Variants in SPAG16 observed in about 807,000 individuals in gnomAD.
The protein encoded by SPAG16 is sperm associated antigen 16, also known as sperm-associated antigen 16 protein.
Under a neutral mutation model 80.4 loss-of-function variants are expected in SPAG16, and 86 were observed. The ratio of observed to expected loss-of-function variants is 1.07; its 90% CI spans 0.90 to 1.28. SPAG16 has a LOEUF of 1.28. Among genes scored for constraint, SPAG16 ranks in the 50% most tolerant of loss-of-function variants. SPAG16 has a pLI of 0.00. For synonymous variants in SPAG16, 294 were observed against 265.9 expected (o/e 1.11, Z -1.03); for missense variants, 870 against 765.3 (o/e 1.14, Z -1.61).
intron 10 of SPAG16, among the ~76,000 whole-genome samples, chr2:213,589,129 G>T (rs150746406): frequency 6.6e-6 from 1 of 152,108 alleles, no homozygotes; most frequent in Admixed American, 6.6e-5. Context: ...TGTGAACAAA[G>T]AAGAAATAAT....
At chr2:213,294,460 TGTA>T (rs1323539762) in intron 1 of SPAG16, among the ~76,000 whole-genome samples, 3 of 152,234 alleles carry the variant, frequency 2.0e-5, no homozygotes, top group Non-Finnish European at 4.4e-5. Flanking sequence ...TTTTACTCCT[TGTA>T]GTATTTAATA....
intron 9 of SPAG16, among the ~76,000 whole-genome samples, chr2:213,444,194 T>TG (rs2071159520): frequency 6.6e-6 from 1 of 152,272 alleles, no homozygotes; most frequent in East Asian, 1.9e-4. Context: ...CTGTAAACCT[T>TG]GGGGCTCTGT....
intron 10 of SPAG16, among the ~76,000 whole-genome samples, chr2:213,747,016 T>A (rs2067856246): frequency 6.6e-6 from 1 of 152,102 alleles, no homozygotes; most frequent in South Asian, 2.1e-4. Context: ...GGTATTGTCA[T>A]AAAAGGAGAT....
intron 10 of SPAG16, among the ~76,000 whole-genome samples, chr2:213,574,036 C>T (rs1395302547): frequency 6.6e-6 from 1 of 151,956 alleles, no homozygotes; most frequent in Non-Finnish European, 1.5e-5. Context: ...CTGCTAGTAC[C>T]CAGACTATAA....
chr2:213,837,022 T>A (rs997748954), intron 10 of SPAG16, among the ~76,000 whole-genome samples: 1 of 152,160 alleles, frequency 6.6e-6, no homozygotes, highest in Non-Finnish European at 1.5e-5. Flanking sequence ...TTCAGGGACA[T>A]CCCTGCTATC....
At chr2:213,465,720 C>A (rs1275780624) in intron 9 of SPAG16, among the ~76,000 whole-genome samples, 1 of 152,178 alleles carries the variant, frequency 6.6e-6, no homozygotes, top group Non-Finnish European at 1.5e-5. Context: ...CTGGCACCAG[C>A]TAAGCTACCG....
chr2:213,818,473 A>G (rs1384817311), intron 10 of SPAG16, among the ~76,000 whole-genome samples: 1 of 152,214 alleles, frequency 6.6e-6, no homozygotes, highest in African/African-American at 2.4e-5. Flanking sequence ...TGAGCCTCAA[A>G]CATCTGGCTC....
intron 11 of SPAG16, among the ~76,000 whole-genome samples, chr2:213,899,245 G>A (rs1442638600): frequency 6.6e-6 from 1 of 152,082 alleles, no homozygotes; most frequent in Admixed American, 6.6e-5. Flanking sequence ...GAGTGTCTTT[G>A]TAGGACATGA....
intron 6 of SPAG16, among the ~76,000 whole-genome samples, chr2:213,346,392 G>A (rs1052853572): frequency 5.9e-5 from 9 of 152,068 alleles, no homozygotes; most frequent in African/African-American, 2.2e-4. Context: ...CTGCCTGATT[G>A]CCCTGGCCAG....
intron 15 of SPAG16, among the ~76,000 whole-genome samples, chr2:214,276,186 G>A (rs1692449949): frequency 6.6e-6 from 1 of 152,190 alleles, no homozygotes. Flanking sequence ...GCCAATGTGT[G>A]TCTCTGCCCG....
At chr2:214,073,232 C>CT (rs67988930) in intron 13 of SPAG16, among the ~76,000 whole-genome samples, 46 of 141,096 alleles carry the variant, frequency 3.3e-4, no homozygotes, top group South Asian at 8.8e-4. Context: ...GAAATTTTTT[C>CT]TTTTTTTTTT....
chr2:213,295,041 C>T (rs992546364), intron 1 of SPAG16, among the ~76,000 whole-genome samples: 3 of 152,090 alleles, frequency 2.0e-5, no homozygotes, highest in Non-Finnish European at 2.9e-5. Flanking sequence ...TTGTTATAAG[C>T]AACAGAAGTT....
At chr2:214,078,144 C>T (rs1269096668) in intron 13 of SPAG16, among the ~76,000 whole-genome samples, 2 of 152,134 alleles carry the variant, frequency 1.3e-5, no homozygotes, top group Non-Finnish European at 2.9e-5. Context: ...GACCCTTCCA[C>T]ATGCCTCTGT....
intron 15 of SPAG16, chr2:214,238,790 G>A (rs1689253017): frequency 2.6e-5 from 4 of 151,662 alleles, no homozygotes; most frequent in African/African-American, 9.7e-5. Context: ...TGATTCCTTT[G>A]CTTAATAGAA....
At chr2:213,410,221 T>A (rs1314025048) in intron 9 of SPAG16, among the ~76,000 whole-genome samples, 3 of 152,248 alleles carry the variant, frequency 2.0e-5, no homozygotes, top group African/African-American at 7.2e-5. Flanking sequence ...CTATTACTCT[T>A]TATTCTTTCC....
chr2:214,161,758 G>C (rs1273754399), intron 15 of SPAG16, among the ~76,000 whole-genome samples: 1 of 151,906 alleles, frequency 6.6e-6, no homozygotes, highest in Non-Finnish European at 1.5e-5. Flanking sequence ...TGGGTTGATA[G>C]GTACAGCAAA....
At chr2:213,867,590 A>C (rs890569868) in intron 11 of SPAG16, among the ~76,000 whole-genome samples, 2 of 152,168 alleles carry the variant, frequency 1.3e-5, no homozygotes, top group African/African-American at 4.8e-5. Context: ...AATGTTAGCT[A>C]TCATCATATT....
At chr2:214,113,183 A>G (rs1307841959) in intron 14 of SPAG16, among the ~76,000 whole-genome samples, 1 of 152,094 alleles carries the variant, frequency 6.6e-6, no homozygotes, top group East Asian at 1.9e-4. Flanking sequence ...CTATTGAGAG[A>G]TCCTCTGTTA....
intron 9 of SPAG16, among the ~76,000 whole-genome samples, chr2:213,390,108 A>T (rs2067662797): frequency 6.6e-6 from 1 of 152,208 alleles, no homozygotes; most frequent in African/African-American, 2.4e-5. Flanking sequence ...TGAGGACATT[A>T]TGCTAAGTGA....
Sources: allele counts gnomAD v4.1 joint callset (sites outside exome capture counted in the v4.1 genomes callset), GRCh38; gene constraint gnomAD v4.1.1; transcripts MANE v1.5; gene names NCBI Gene and HGNC (gene_info 2026-07-23, HGNC 2026-07-21).